The following RALY variants were observed in gnomAD, a reference collection of about 807,000 sequenced individuals.
The protein encoded by RALY is RALY heterogeneous nuclear ribonucleoprotein.
RALY carries 15 observed loss-of-function variants against 30.7 expected under a neutral mutation model. That is an observed-to-expected ratio of 0.49 (90% CI 0.33 to 0.75). The LOEUF is 0.75. RALY is among the 30% of genes least tolerant of loss of function. The probability of loss-of-function intolerance (pLI) is 0.02; values close to 1 mark genes in which losing one functional copy is unlikely to be tolerated. For missense variants in RALY, 339 were observed against 414.3 expected (o/e 0.82, Z 1.58); for synonymous variants, 177 against 170.8 (o/e 1.04, Z -0.28).
intron 1 of RALY, among the ~76,000 whole-genome samples, chr20:34,005,834 G>T (rs1175603573): frequency 6.6e-6 from 1 of 152,186 alleles, no homozygotes; most frequent in Non-Finnish European, 1.5e-5. Context: ...ACGTCATACA[G>T]TTGGAATCAT....
chr20:33,995,433 A>G (rs1030635687), intron 1 of RALY, among the ~76,000 whole-genome samples: 1 of 152,190 alleles, frequency 6.6e-6, no homozygotes, highest in East Asian at 1.9e-4. Flanking sequence ...GAGTAGCTCA[A>G]GTCATCTGCC....
intron 2 of RALY, among the ~76,000 whole-genome samples, chr20:34,039,377 C>CT (rs2032614137): frequency 6.6e-6 from 1 of 152,220 alleles, no homozygotes; most frequent in Non-Finnish European, 1.5e-5. Context: ...AGATTGTGCT[C>CT]TATCACCCAC....
chr20:33,994,877 A>G (rs1206195259), intron 1 of RALY, among the ~76,000 whole-genome samples: 2 of 152,126 alleles, frequency 1.3e-5, no homozygotes, highest in Non-Finnish European at 2.9e-5. Context: ...CCCAAGCCTT[A>G]TTTCATTTAA....
intron 2 of RALY, among the ~76,000 whole-genome samples, chr20:34,048,052 C>T (rs1002423024): frequency 2.0e-5 from 3 of 152,188 alleles, no homozygotes; most frequent in Non-Finnish European, 2.9e-5. Context: ...AGCAGAGATA[C>T]AGGAGCAGAG....
intron 8 of RALY, 114 bp from the exon 9 acceptor site, chr20:34,078,391 C>A: frequency 1.1e-6 from 1 of 894,966 alleles, no homozygotes; most frequent in Non-Finnish European, 1.6e-6. Flanking sequence ...CGTCTTCTGA[C>A]TGTGTCCTCT....
chr20:34,052,208 T>C (rs187460453), intron 2 of RALY, among the ~76,000 whole-genome samples: 135 of 152,342 alleles, frequency 8.9e-4, no homozygotes, highest in Admixed American at 7.3e-3. Context: ...CAGACCCTTA[T>C]TGTGTGTGTC....
At chr20:34,004,519 T>C (rs564857798) in intron 1 of RALY, among the ~76,000 whole-genome samples, 157 of 152,320 alleles carry the variant, frequency 1.0e-3, no homozygotes, top group South Asian at 5.6e-3. Flanking sequence ...GATGAATGAC[T>C]AGACCGAGTA....
At chr20:34,005,164 C>G (rs574165791) in intron 1 of RALY, among the ~76,000 whole-genome samples, 1 of 152,094 alleles carries the variant, frequency 6.6e-6, no homozygotes, top group Admixed American at 6.5e-5. Flanking sequence ...TAGGGACATT[C>G]ACTAGAGAAT....
Position 34,015,490 on chromosome 20 carries a change from A to G in RALY, c.-92-16032A>G, listed in dbSNP as rs916643001. Among the ~76,000 whole-genome samples, 6 of 152,080 alleles carry G rather than the reference A, an allele frequency of 3.9e-5. No individual in the cohort carries two copies. In the South Asian group the frequency reaches 8.3e-4, roughly 21 times the overall value. On this transcript the variant is annotated intron_variant, in intron 1 of 9. Coordinates refer to ENST00000246194, the MANE Select transcript of RALY (RefSeq NM_016732.3). The stretch of plus-strand genomic sequence containing the variant: ...GGGTGGAGATGTGAATCAGCCATAC[A>G]ATGTTTAACTCCAAATAACACCTCC...
At chr20:34,018,716 C>A (rs945421808) in intron 1 of RALY, among the ~76,000 whole-genome samples, 6 of 152,140 alleles carry the variant, frequency 3.9e-5, no homozygotes. Context: ...TAGTCTTCCA[C>A]CCCACAAATG....
chr20:34,074,001 C>G, intron 5 of RALY, 135 bp downstream of exon 5: 1 of 939,588 alleles, frequency 1.1e-6, no homozygotes, highest in Non-Finnish European at 1.6e-6. Flanking sequence ...CTCCACCAGT[C>G]GGTAGCAGAG....
At chr20:34,074,139 A>G (rs571803929) in intron 5 of RALY, among the ~76,000 whole-genome samples, 6 of 152,306 alleles carry the variant, frequency 3.9e-5, no homozygotes, top group Non-Finnish European at 7.4e-5. Flanking sequence ...CCGTACAGCC[A>G]AGAGCTATGT....
chr20:34,005,814 T>G (rs1345966054), intron 1 of RALY, among the ~76,000 whole-genome samples: 1 of 152,202 alleles, frequency 6.6e-6, no homozygotes, highest in East Asian at 1.9e-4. Flanking sequence ...CACAGATACG[T>G]CTTTGCAGAA....
chr20:33,997,404 C>T (rs748966397), intron 1 of RALY, among the ~76,000 whole-genome samples: 1 of 152,158 alleles, frequency 6.6e-6, no homozygotes, highest in Non-Finnish European at 1.5e-5. Context: ...GCATGAGCCA[C>T]CACGCCAGGC....
intron 2 of RALY, among the ~76,000 whole-genome samples, chr20:34,061,897 A>G (rs576210085): frequency 4.8e-4 from 73 of 152,250 alleles, no homozygotes; most frequent in African/African-American, 1.7e-3. Context: ...TTGTCACTGT[A>G]CTTTCTCTGT....
chr20:34,035,092 G>A (rs1185362948), intron 2 of RALY, among the ~76,000 whole-genome samples: 1 of 136,992 alleles, frequency 7.3e-6, no homozygotes, highest in African/African-American at 2.7e-5. Context: ...GGCAGAGCTT[G>A]CAGTGAGCTG....
At chr20:34,069,598 G>A (rs1051257939) in intron 2 of RALY, among the ~76,000 whole-genome samples, 1 of 152,184 alleles carries the variant, frequency 6.6e-6, no homozygotes, top group Non-Finnish European at 1.5e-5. Context: ...TTAACTTCTT[G>A]TATACCCGTG....
At chr20:34,038,506 T>C (rs1200059989) in intron 2 of RALY, among the ~76,000 whole-genome samples, 1 of 152,192 alleles carries the variant, frequency 6.6e-6, no homozygotes, top group Non-Finnish European at 1.5e-5. Flanking sequence ...TTTGGAATTA[T>C]CTGTCATTGT....
At chr20:34,044,031 G>A (rs1383540014) in intron 2 of RALY, among the ~76,000 whole-genome samples, 4 of 151,962 alleles carry the variant, frequency 2.6e-5, no homozygotes, top group African/African-American at 9.7e-5. Context: ...ATGAAGGGGA[G>A]ACTGTAACTT....
Sources: allele counts gnomAD v4.1 joint callset (sites outside exome capture counted in the v4.1 genomes callset), GRCh38; gene constraint gnomAD v4.1.1; transcripts MANE v1.5; gene names NCBI Gene and HGNC (gene_info 2026-07-23, HGNC 2026-07-21).